Variants in PLCH1 observed in about 807,000 individuals in gnomAD.
PLCH1 encodes phospholipase C eta 1, also known as 1-phosphatidylinositol 4,5-bisphosphate phosphodiesterase eta-1.
PLCH1 carries 60 observed loss-of-function variants against 126.7 expected under a neutral mutation model. The observed-to-expected ratio is 0.47, with a 90% CI of 0.38 to 0.59. The LOEUF (loss-of-function observed/expected upper bound fraction) is 0.59, where lower values mean the gene tolerates loss of function less well. PLCH1 is among the 20% of genes least tolerant of loss of function. The pLI, the probability that PLCH1 is intolerant of heterozygous loss-of-function variation, is 0.00. For missense variants in PLCH1, 1,723 were observed against 2,040.0 expected (o/e 0.84, Z 2.99); for synonymous variants, 719 against 734.9 (o/e 0.98, Z 0.35).
intron 8 of PLCH1, among the ~76,000 whole-genome samples, chr3:155,557,490 C>T (rs1181325154): frequency 5.9e-5 from 9 of 152,300 alleles, no homozygotes; most frequent in Admixed American, 3.9e-4. Context: ...ATATTCATAA[C>T]TGAGGATAGG....
intron 2 of PLCH1, among the ~76,000 whole-genome samples, chr3:155,616,142 A>G (rs1271117980): frequency 1.3e-5 from 2 of 152,188 alleles, no homozygotes; most frequent in African/African-American, 4.8e-5. Context: ...CCTGTATCCT[A>G]CACTCTACAC....
rs545337741 is a variant in PLCH1 at position 155,516,753 on chromosome 3, T to C, written c.1471-1869A>G. The stretch of plus-strand genomic sequence containing the variant: ...TAGTTTGGGAACAAAACTCATTTTG[T>C]ATTAAAAAAAAAACCATGTATTGTG... On this transcript the variant is annotated intron_variant, in intron 11 of 22. Transcript: ENST00000460012. 5.9e-5 allele frequency among the ~76,000 whole-genome samples: 9 copies of C among 151,822 alleles called. No homozygotes were observed. In the South Asian group the frequency reaches 8.4e-4, roughly 14 times the overall value.
intron 21 of PLCH1, among the ~76,000 whole-genome samples, chr3:155,465,750 G>C (rs892362161): frequency 2.0e-5 from 3 of 152,118 alleles, no homozygotes. Flanking sequence ...GGGGAGCCCA[G>C]TGCCCTAAAG....
chr3:155,508,980 G>C (rs890966988), intron 12 of PLCH1, among the ~76,000 whole-genome samples: 2 of 118,516 alleles, frequency 1.7e-5, no homozygotes, highest in African/African-American at 8.1e-5. Flanking sequence ...AATCCATCTG[G>C]TCCTGGACTC....
intron 1 of PLCH1, among the ~76,000 whole-genome samples, chr3:155,730,809 A>G (rs899049648): frequency 3.3e-5 from 5 of 152,248 alleles, no homozygotes; most frequent in Admixed American, 2.0e-4. Flanking sequence ...TACATTACCC[A>G]GGTCACCCAT....
chr3:155,517,739 C>T (rs752623905), intron 11 of PLCH1, among the ~76,000 whole-genome samples: 47 of 152,222 alleles, frequency 3.1e-4, no homozygotes, highest in Non-Finnish European at 5.9e-4. Flanking sequence ...ATAAGTACCA[C>T]GGATTAAGAC....
chr3:155,591,444 C>T (rs1463162288), intron 4 of PLCH1, among the ~76,000 whole-genome samples: 4 of 152,154 alleles, frequency 2.6e-5, no homozygotes, highest in East Asian at 1.9e-4. Flanking sequence ...AGATTTTCTT[C>T]GTGTACTTCA....
intron 2 of PLCH1, among the ~76,000 whole-genome samples, chr3:155,656,972 C>G (rs75766144): frequency 0.02 from 2,987 of 150,820 alleles, 86 homozygotes; most frequent in African/African-American, 0.053. Context: ...AAATAAATAG[C>G]CTGCATGCAA....
At chr3:155,500,397 T>C (rs1717717879) in intron 14 of PLCH1, among the ~76,000 whole-genome samples, 1 of 152,160 alleles carries the variant, frequency 6.6e-6, no homozygotes, top group African/African-American at 2.4e-5. Flanking sequence ...TTAGCATCCA[T>C]CTTCTTTAGT....
At chr3:155,542,104 A>G (rs1178903907) in intron 10 of PLCH1, among the ~76,000 whole-genome samples, 3 of 152,230 alleles carry the variant, frequency 2.0e-5, no homozygotes, top group Admixed American at 2.0e-4. Flanking sequence ...CGGGAAGCGC[A>G]AGGGGTCAGG....
At chr3:155,468,236 G>T (rs1713002945) in intron 21 of PLCH1, among the ~76,000 whole-genome samples, 1 of 151,938 alleles carries the variant, frequency 6.6e-6, no homozygotes, top group South Asian at 2.1e-4. Context: ...TAACCTCAAA[G>T]CAAAAGACAT....
chr3:155,740,269 G>A (rs1749518327), intron 1 of PLCH1, among the ~76,000 whole-genome samples: 2 of 152,018 alleles, frequency 1.3e-5, no homozygotes, highest in Non-Finnish European at 2.9e-5. Flanking sequence ...AAATTAGCCG[G>A]GCATGATGGC....
chr3:155,602,802 T>C (rs909238188), intron 2 of PLCH1, among the ~76,000 whole-genome samples: 1 of 151,652 alleles, frequency 6.6e-6, no homozygotes, highest in Non-Finnish European at 1.5e-5. Context: ...TGACTATAAA[T>C]ATATAAACAG....
At chr3:155,452,177 G>A (rs1200837199) in intron 21 of PLCH1, among the ~76,000 whole-genome samples, 1 of 152,174 alleles carries the variant, frequency 6.6e-6, no homozygotes, top group Non-Finnish European at 1.5e-5. Flanking sequence ...ATCATGATAG[G>A]AGGAGAAAGG....
At chr3:155,643,243 C>T (rs183265871) in intron 2 of PLCH1, among the ~76,000 whole-genome samples, 1 of 152,254 alleles carries the variant, frequency 6.6e-6, no homozygotes, top group Admixed American at 6.5e-5. Context: ...GCCACCAAAC[C>T]TGGCCCCAAC....
chr3:155,468,294 C>A (rs1248382955), intron 21 of PLCH1, among the ~76,000 whole-genome samples: 1 of 151,902 alleles, frequency 6.6e-6, no homozygotes, highest in African/African-American at 2.4e-5. Flanking sequence ...AATCATATCA[C>A]CAGAGAAAAT....
At chr3:155,532,924 T>G (rs1319515208) in intron 10 of PLCH1, among the ~76,000 whole-genome samples, 1 of 151,922 alleles carries the variant, frequency 6.6e-6, no homozygotes, top group East Asian at 1.9e-4. Flanking sequence ...GTTGGAACAG[T>G]TTGGAGGGCT....
intron 2 of PLCH1, among the ~76,000 whole-genome samples, chr3:155,673,024 C>T (rs1174703407): frequency 6.6e-6 from 1 of 150,628 alleles, no homozygotes; most frequent in Non-Finnish European, 1.5e-5. Flanking sequence ...ATTATTCTCT[C>T]CCCAGCTTAA....
intron 10 of PLCH1, among the ~76,000 whole-genome samples, chr3:155,530,326 CTTCT>C (rs1238470491): frequency 2.3e-4 from 34 of 150,210 alleles, no homozygotes; most frequent in Non-Finnish European, 3.6e-4. Flanking sequence ...TCAGGCTCCA[CTTCT>C]TTTTTTTTTT....
Sources: gnomAD v4.1 joint callset for allele counts (sites outside exome capture counted in the v4.1 genomes callset) on GRCh38, gnomAD v4.1.1 for gene constraint, MANE v1.5 for transcripts, NCBI Gene and HGNC (gene_info 2026-07-23, HGNC 2026-07-21) for gene names.